Variants in STAG1 observed in about 807,000 individuals in gnomAD.
STAG1 encodes STAG1 cohesin complex component, also known as cohesin subunit SA-1.
In STAG1, 26 loss-of-function variants were observed where a neutral mutation model predicts 170.9. That is an observed-to-expected ratio of 0.15 (90% CI 0.11 to 0.21). STAG1 has a LOEUF of 0.21. Ranked by LOEUF, STAG1 falls within the 10% of genes least tolerant of loss-of-function variation. The pLI, the probability that STAG1 is intolerant of heterozygous loss-of-function variation, is 1.00. For synonymous variants in STAG1, 514 were observed against 497.7 expected (o/e 1.03, Z -0.44); for missense variants, 964 against 1,509.5 (o/e 0.64, Z 5.99).
intron 5 of STAG1, among the ~76,000 whole-genome samples, chr3:136,559,969 A>T (rs1484066795): frequency 6.6e-6 from 1 of 152,202 alleles, no homozygotes; most frequent in Non-Finnish European, 1.5e-5. Context: ...AGTTGTGAGG[A>T]CCTAAATAAA....
rs1941166970 is a variant in STAG1, at chr3:136,650,170, AG to A, written c.-83-19190del. Among the ~76,000 whole-genome samples, 7 of 151,354 alleles carry A rather than the reference AG, an allele frequency of 4.6e-5. No individual in the cohort carries two copies. The South Asian group carries it at 1.5e-3, about 32-fold the overall frequency. ...AGGATGGCTGAAGCCCAGGCAGTCG[AG>A]GCTGCAGTGAGCTATGGTTGCGCAA... On this transcript the variant is annotated intron_variant, in intron 1 of 33. Coordinates refer to ENST00000383202, the MANE Select transcript of STAG1 (RefSeq NM_005862.3).
Position 136,532,889 on chromosome 3 carries a change from T to C in STAG1, c.471+9230A>G, listed in dbSNP as rs74993091. Among the ~76,000 whole-genome samples the C allele has an allele frequency of 4.4e-3, 669 of 152,248 alleles. 10 individuals are homozygous for C. Among genetic ancestry groups the C allele is most frequent in the Non-Finnish European group, 3.2e-3 (219 of 68,018 alleles). ...AACATGCCCACTTTTACAAGTCTTA[T>C]TCAACATGGTACTGGAAGTCCTAGA... On this transcript the variant is annotated intron_variant, in intron 6 of 33. Coordinates refer to ENST00000383202, the MANE Select transcript of STAG1 (RefSeq NM_005862.3).
At chr3:136,500,000 T>A (rs534495934) in intron 9 of STAG1, 214 of 416,292 alleles carry the variant, frequency 5.1e-4, no homozygotes, top group African/African-American at 3.9e-3. Flanking sequence ...CATAAGCTAC[T>A]TCCAACAGCA....
At chr3:136,406,669 G>A (rs1183373361) in intron 21 of STAG1, among the ~76,000 whole-genome samples, 1 of 152,102 alleles carries the variant, frequency 6.6e-6, no homozygotes, top group Non-Finnish European at 1.5e-5. Context: ...AAACGATTGA[G>A]TAAAGAGAAA....
At chr3:136,732,829 C>G (rs908706261) in intron 1 of STAG1, among the ~76,000 whole-genome samples, 1 of 151,988 alleles carries the variant, frequency 6.6e-6, no homozygotes, top group Non-Finnish European at 1.5e-5. Context: ...ACACTGATCT[C>G]AAACTCCTGA....
chr3:136,695,464 C>T (rs1167197368), intron 1 of STAG1, among the ~76,000 whole-genome samples: 2 of 151,584 alleles, frequency 1.3e-5, no homozygotes, highest in East Asian at 1.9e-4. Flanking sequence ...AGAGACAGAC[C>T]GTAATGTTTA....
At chr3:136,475,232 C>G (rs1245337785) in intron 10 of STAG1, among the ~76,000 whole-genome samples, 1 of 149,640 alleles carries the variant, frequency 6.7e-6, no homozygotes, top group African/African-American at 2.5e-5. Context: ...CTGCAACCTC[C>G]GCCTCCCAGG....
At chr3:136,531,031 G>C (rs1203081239) in intron 6 of STAG1, among the ~76,000 whole-genome samples, 3 of 152,174 alleles carry the variant, frequency 2.0e-5, no homozygotes, top group Non-Finnish European at 4.4e-5. Flanking sequence ...CCTGAACCCA[G>C]GAGGCAGAGG....
chr3:136,596,567 G>A (rs574310205), intron 4 of STAG1, among the ~76,000 whole-genome samples: 2 of 152,156 alleles, frequency 1.3e-5, no homozygotes, highest in Admixed American at 1.3e-4. Flanking sequence ...ATAAACCTTT[G>A]TGGTCCTATC....
intron 20 of STAG1, among the ~76,000 whole-genome samples, chr3:136,418,642 A>C (rs1416582472): frequency 6.6e-6 from 1 of 150,564 alleles, no homozygotes; most frequent in Non-Finnish European, 1.5e-5. Flanking sequence ...TATATATAAT[A>C]GTATTTTTTT....
intron 4 of STAG1, among the ~76,000 whole-genome samples, chr3:136,577,768 C>G (rs536854774): frequency 3.3e-5 from 5 of 152,268 alleles, no homozygotes; most frequent in African/African-American, 1.2e-4. Context: ...ATCTGAGGAA[C>G]ATGTATGATA....
intron 22 of STAG1, among the ~76,000 whole-genome samples, chr3:136,381,553 T>C (rs1387383571): frequency 6.6e-6 from 1 of 152,122 alleles, no homozygotes; most frequent in Non-Finnish European, 1.5e-5. Flanking sequence ...TGAATCAGAC[T>C]GCAGTAAGCT....
At chr3:136,378,778 G>A (rs770299943) in intron 22 of STAG1, among the ~76,000 whole-genome samples, 3 of 152,164 alleles carry the variant, frequency 2.0e-5, no homozygotes, top group Admixed American at 6.5e-5. Flanking sequence ...AATTATTAGC[G>A]AGGGGTTGAA....
At chr3:136,695,420 G>C (rs1206215115) in intron 1 of STAG1, among the ~76,000 whole-genome samples, 1 of 150,790 alleles carries the variant, frequency 6.6e-6, no homozygotes, top group Admixed American at 6.6e-5. Flanking sequence ...CTGGGCAACA[G>C]AGTGAGACTC....
intron 1 of STAG1, among the ~76,000 whole-genome samples, 178 bp from the exon 2 acceptor site, chr3:136,631,159 A>G (rs746858901): frequency 1.3e-5 from 2 of 152,258 alleles, no homozygotes; most frequent in Non-Finnish European, 2.9e-5. Context: ...AAAACTTGGA[A>G]GCAACTAAGA....
intron 22 of STAG1, among the ~76,000 whole-genome samples, chr3:136,383,785 C>G (rs958564831): frequency 4.0e-5 from 6 of 151,884 alleles, no homozygotes; most frequent in African/African-American, 9.7e-5. Flanking sequence ...GAAACCCCGT[C>G]TCTACTAAAA....
At chr3:136,595,676 C>CAAAAAATA (rs1224458977) in intron 4 of STAG1, among the ~76,000 whole-genome samples, 1 of 127,394 alleles carries the variant, frequency 7.8e-6, no homozygotes, top group African/African-American at 3.0e-5. Flanking sequence ...GACTCCATCT[C>CAAAAAATA]AATAAATAAA....
At chr3:136,625,410 T>G (rs113250384) in intron 2 of STAG1, among the ~76,000 whole-genome samples, 7 of 152,354 alleles carry the variant, frequency 4.6e-5, no homozygotes, top group African/African-American at 1.4e-4. Flanking sequence ...CTCAGGATTT[T>G]TATCTTGCAT....
chr3:136,406,401 G>A (rs1360820553), intron 21 of STAG1, among the ~76,000 whole-genome samples: 1 of 152,174 alleles, frequency 6.6e-6, no homozygotes, highest in Non-Finnish European at 1.5e-5. Flanking sequence ...TTCAGTTGGG[G>A]TGAGCATATG....
Sources: gnomAD v4.1 joint callset for allele counts (sites outside exome capture counted in the v4.1 genomes callset) on GRCh38, gnomAD v4.1.1 for gene constraint, MANE v1.5 for transcripts, NCBI Gene and HGNC (gene_info 2026-07-23, HGNC 2026-07-21) for gene names.